The following ZNF609 variants were observed in gnomAD, a reference collection of about 807,000 sequenced individuals.
The protein encoded by ZNF609 is zinc finger protein 609.
In ZNF609, 11 loss-of-function variants were observed where a neutral mutation model predicts 109.5. That is an observed-to-expected ratio of 0.10 (90% CI 0.06 to 0.17). The LOEUF (loss-of-function observed/expected upper bound fraction) is 0.17. ZNF609 is among the 10% of genes least tolerant of loss of function. The pLI is 1.00. For missense variants in ZNF609, 1,559 were observed against 1,772.4 expected (o/e 0.88, Z 2.16); for synonymous variants, 646 against 662.0 (o/e 0.98, Z 0.37).
intron 1 of ZNF609, among the ~76,000 whole-genome samples, chr15:64,496,447 T>C (rs921553096): frequency 1.3e-5 from 2 of 152,212 alleles, no homozygotes; most frequent in African/African-American, 4.8e-5. Flanking sequence ...CTAGCCACAA[T>C]TGCAAAGATT....
intron 3 of ZNF609, among the ~76,000 whole-genome samples, chr15:64,635,491 T>C (rs888277619): frequency 6.6e-6 from 1 of 152,162 alleles, no homozygotes; most frequent in African/African-American, 2.4e-5. Context: ...AATGAGGAGG[T>C]TGGACTACAT....
chr15:64,580,581 C>CG (rs964313593), intron 2 of ZNF609, among the ~76,000 whole-genome samples: 3 of 144,802 alleles, frequency 2.1e-5, no homozygotes, highest in African/African-American at 7.6e-5. Flanking sequence ...GACAGAGTCT[C>CG]GTTCTGTCGC....
At chr15:64,476,177 C>G (rs2140333654) in intron 1 of ZNF609, among the ~76,000 whole-genome samples, 1 of 152,064 alleles carries the variant, frequency 6.6e-6, no homozygotes, top group East Asian at 1.9e-4. Flanking sequence ...GTTGGGCCAT[C>G]TGGGTGTGGT....
intron 2 of ZNF609, among the ~76,000 whole-genome samples, chr15:64,598,786 A>ATC (rs1555421965): frequency 9.8e-5 from 10 of 102,138 alleles, no homozygotes; most frequent in East Asian, 2.8e-4. Flanking sequence ...ATATATATAT[A>ATC]TCCTGTTATC....
At chr15:64,539,589 C>T (rs1894214656) in intron 2 of ZNF609, among the ~76,000 whole-genome samples, 3 of 152,040 alleles carry the variant, frequency 2.0e-5, no homozygotes, top group African/African-American at 7.2e-5. Context: ...CTGCAACCTC[C>T]GACTCCCCGG....
intron 3 of ZNF609, among the ~76,000 whole-genome samples, chr15:64,625,934 T>TAGAGAGAGAG (rs1345949122): frequency 1.4e-5 from 1 of 71,058 alleles, no homozygotes; most frequent in African/African-American, 5.6e-5. Flanking sequence ...TATATATATA[T>TAGAGAGAGAG]ATAGAGAGAG....
At chr15:64,496,049 C>A (rs1326364682) in intron 1 of ZNF609, among the ~76,000 whole-genome samples, 1 of 152,080 alleles carries the variant, frequency 6.6e-6, no homozygotes, top group Non-Finnish European at 1.5e-5. Flanking sequence ...GAACTCCTGA[C>A]CTCAAGTGAT....
intron 2 of ZNF609, among the ~76,000 whole-genome samples, chr15:64,530,525 C>G (rs1894044900): frequency 2.6e-5 from 4 of 152,176 alleles, no homozygotes; most frequent in Non-Finnish European, 5.9e-5. Flanking sequence ...ATACTTGATA[C>G]TTATTGCCCA....
intron 1 of ZNF609, among the ~76,000 whole-genome samples, chr15:64,473,423 T>C (rs1893121104): frequency 6.6e-6 from 1 of 151,876 alleles, no homozygotes; most frequent in African/African-American, 2.4e-5. Context: ...GGTCTCGAAC[T>C]GCTGACCTCG....
chr15:64,483,894 A>G (rs1013309529), intron 1 of ZNF609, among the ~76,000 whole-genome samples: 2 of 152,098 alleles, frequency 1.3e-5, no homozygotes, highest in African/African-American at 4.8e-5. Context: ...TGACTTCCCA[A>G]TGTTATTACA....
intron 2 of ZNF609, among the ~76,000 whole-genome samples, chr15:64,594,748 C>T (rs766696787): frequency 2.0e-5 from 3 of 151,348 alleles, no homozygotes; most frequent in South Asian, 2.1e-4. Flanking sequence ...GTGTCTCGGC[C>T]GGGCGCGGTG....
chr15:64,625,446 G>C, intron 3 of ZNF609, among the ~76,000 whole-genome samples: 1 of 152,174 alleles, frequency 6.6e-6, no homozygotes, highest in Admixed American at 6.5e-5. Flanking sequence ...CTTGAACCCC[G>C]GAGGTGGAGG....
At chr15:64,474,025 G>A (rs1000434896) in intron 1 of ZNF609, among the ~76,000 whole-genome samples, 2 of 150,526 alleles carry the variant, frequency 1.3e-5, no homozygotes, top group East Asian at 2.0e-4. Flanking sequence ...CACCTGCCTC[G>A]GCCTCCCAAA....
intron 2 of ZNF609, among the ~76,000 whole-genome samples, chr15:64,510,222 A>G (rs920361642): frequency 1.4e-5 from 2 of 145,192 alleles, no homozygotes; most frequent in African/African-American, 5.0e-5. Context: ...TTTTTTTTTA[A>G]CAGACAGGGT....
chr15:64,581,403 T>A (rs1253428278), intron 2 of ZNF609, among the ~76,000 whole-genome samples: 1 of 152,114 alleles, frequency 6.6e-6, no homozygotes, highest in Non-Finnish European at 1.5e-5. Context: ...TGTGAACATG[T>A]CCTTCCCCAG....
chr15:64,675,749 C>T lies in ZNF609; in HGVS notation c.2895C>T (p.Pro965=), dbSNP rs1378926155. The T allele has an allele frequency of 6.2e-7, 1 of 1,614,090 alleles. No homozygotes were observed. Among genetic ancestry groups the T allele is most frequent in the African/African-American group, 1.3e-5 (1 of 74,932 alleles). ...SQQPSVIQQR[P]NMYMQSLYYN... ...AGCCCTCGGTCATCCAGCAGCGTCC[C>T]AATATGTACATGCAGTCCCTGTACT... The change falls in exon 5 of 10, where the codon CCC becomes CCT. Residue 965 remains proline, a synonymous_variant. Transcript: ENST00000326648.
intron 3 of ZNF609, among the ~76,000 whole-genome samples, chr15:64,627,406 C>T (rs1595744410): frequency 6.6e-6 from 1 of 152,082 alleles, no homozygotes; most frequent in Non-Finnish European, 1.5e-5. Context: ...TATAGGTTCT[C>T]CTTTTTGGAC....
intron 2 of ZNF609, among the ~76,000 whole-genome samples, chr15:64,514,861 T>G (rs1054598657): frequency 1.3e-5 from 2 of 152,142 alleles, no homozygotes; most frequent in African/African-American, 4.8e-5. Flanking sequence ...GGCCCCAAAC[T>G]CCTAGTCTCA....
At chr15:64,657,065 C>T (rs1268950111) in intron 3 of ZNF609, among the ~76,000 whole-genome samples, 1 of 151,086 alleles carries the variant, frequency 6.6e-6, no homozygotes, top group East Asian at 2.0e-4. Context: ...TCAAGACCAG[C>T]CTGGCCAACA....
Sources: gnomAD v4.1 joint callset for allele counts (sites outside exome capture counted in the v4.1 genomes callset) on GRCh38, gnomAD v4.1.1 for gene constraint, MANE v1.5 for transcripts, NCBI Gene and HGNC (gene_info 2026-07-23, HGNC 2026-07-21) for gene names.